Variants in HDAC9 observed in about 807,000 individuals in gnomAD.
The protein encoded by HDAC9 is histone deacetylase 9, also known as MEF-2 interacting transcription repressor (MITR) protein.
A neutral mutation model predicts 139.4 loss-of-function variants in HDAC9; 41 were observed. That is an observed-to-expected ratio of 0.29 (90% CI 0.23 to 0.38). The LOEUF is 0.38. HDAC9 is among the 10% of genes least tolerant of loss of function. The pLI, the probability that HDAC9 is intolerant of heterozygous loss-of-function variation, is 1.00. For synonymous variants in HDAC9, 517 were observed against 476.2 expected (o/e 1.09, Z -1.12); for missense variants, 1,147 against 1,297.0 (o/e 0.88, Z 1.78).
chr7:18,805,111 T>C (rs1395453464), intron 17 of HDAC9, among the ~76,000 whole-genome samples: 1 of 152,204 alleles, frequency 6.6e-6, no homozygotes, highest in Non-Finnish European at 1.5e-5. Flanking sequence ...GGAAGATTCT[T>C]AAAAGGAATT....
chr7:18,201,969 G>A (rs1204156734), intron 2 of HDAC9, among the ~76,000 whole-genome samples: 1 of 152,184 alleles, frequency 6.6e-6, no homozygotes, highest in East Asian at 1.9e-4. Context: ...AATGGAAGAT[G>A]AATAATTTTT....
intron 24 of HDAC9, among the ~76,000 whole-genome samples, chr7:18,970,266 A>T (rs182293293): frequency 2.6e-4 from 39 of 152,308 alleles, no homozygotes; most frequent in Admixed American, 2.5e-3. Flanking sequence ...GATATTCAGC[A>T]GGAATAATAA....
chr7:18,581,962 C>G (rs763975312), intron 2 of HDAC9, among the ~76,000 whole-genome samples: 4 of 152,100 alleles, frequency 2.6e-5, no homozygotes, highest in Non-Finnish European at 5.9e-5. Context: ...CATAAAGTAC[C>G]ATCAATGCAA....
rs111647747 is a variant in HDAC9 at position 18,774,755 on chromosome 7, G to C, written c.2214+7600G>C. ...AAACTTTCTCCATATCAGCAGTAAGGCTATTTCACTTTCTTAGCATTTGTG... is the reference window on the plus strand; with the variant it reads ...AAACTTTCTCCATATCAGCAGTAAGCCTATTTCACTTTCTTAGCATTTGTG... On this transcript the variant is annotated intron_variant, in intron 16 of 25. Coordinates refer to ENST00000686413, the MANE Select transcript of HDAC9 (RefSeq NM_178425.4). Among the ~76,000 whole-genome samples, 803 of 152,114 alleles carry C rather than the reference G, an allele frequency of 5.3e-3. 4 individuals are homozygous for C. Among genetic ancestry groups the C allele is most frequent in the African/African-American group, 0.018 (740 of 41,514 alleles).
rs117157548 is a variant in HDAC9 at position 18,294,921 on chromosome 7, G to T, written c.-42+4406G>T. Among the ~76,000 whole-genome samples the T allele has an allele frequency of 4.5e-4, 69 of 152,172 alleles. No individual in the cohort carries two copies. In the East Asian group the frequency reaches 0.011, roughly 24 times the overall value. ...AATTAATAGGACTTGGTAAACAATTGGATGTCATTGGGGAGCATCAATTAT... is the reference window on the plus strand; with the variant it reads ...AATTAATAGGACTTGGTAAACAATTTGATGTCATTGGGGAGCATCAATTAT... On this transcript the variant is annotated intron_variant, in intron 1 of 3. Transcript: ENST00000413509.
At chr7:18,404,181 C>T (rs1278156371) in intron 1 of HDAC9, among the ~76,000 whole-genome samples, 3 of 151,948 alleles carry the variant, frequency 2.0e-5, no homozygotes, top group African/African-American at 7.3e-5. Context: ...AATATAATGT[C>T]GTGTAATGCA....
chr7:18,110,153 T>A (rs1355933914), intron 1 of HDAC9, among the ~76,000 whole-genome samples: 1 of 152,244 alleles, frequency 6.6e-6, no homozygotes, highest in Non-Finnish European at 1.5e-5. Context: ...CAGCAGCTTC[T>A]TGGACGTGCA....
At chr7:18,461,716 C>T (rs1471961172) in intron 1 of HDAC9, among the ~76,000 whole-genome samples, 2 of 152,116 alleles carry the variant, frequency 1.3e-5, no homozygotes, top group Non-Finnish European at 2.9e-5. Context: ...AGCATCTGAT[C>T]AGAGATCTCC....
chr7:18,435,965 C>CAT (rs1263854655), intron 1 of HDAC9, among the ~76,000 whole-genome samples: 1 of 149,020 alleles, frequency 6.7e-6, no homozygotes, highest in East Asian at 1.9e-4. Context: ...ATAAAGTATA[C>CAT]ATATATATGA....
intron 1 of HDAC9, among the ~76,000 whole-genome samples, chr7:18,357,594 T>G (rs1014281004): frequency 3.3e-5 from 5 of 151,542 alleles, no homozygotes; most frequent in Non-Finnish European, 7.4e-5. Flanking sequence ...TTGAAATCAA[T>G]TCTAAGAAAA....
intron 24 of HDAC9, among the ~76,000 whole-genome samples, chr7:18,962,008 G>T (rs946062481): frequency 3.3e-5 from 5 of 152,156 alleles, no homozygotes; most frequent in African/African-American, 4.8e-5. Context: ...GGAAGTTCTG[G>T]CTAATTGAGA....
At chr7:18,439,284 C>T (rs1791519294) in intron 1 of HDAC9, among the ~76,000 whole-genome samples, 1 of 152,294 alleles carries the variant, frequency 6.6e-6, no homozygotes, top group South Asian at 2.1e-4. Context: ...TCTCTTTTCT[C>T]ATTGTCTCTA....
intron 22 of HDAC9, among the ~76,000 whole-genome samples, chr7:18,908,560 C>G (rs7788731): frequency 0.35 from 53,029 of 151,648 alleles, 9,407 homozygotes; most frequent in Middle Eastern, 0.39. Context: ...CACTCACTTC[C>G]CAACTTCTGG....
chr7:18,394,199 T>C (rs1350576611), intron 1 of HDAC9, among the ~76,000 whole-genome samples: 2 of 152,314 alleles, frequency 1.3e-5, no homozygotes, highest in African/African-American at 2.4e-5. Context: ...TTTACAATTA[T>C]ACCTTGTTTG....
chr7:18,898,483 G>A (rs996530831), intron 22 of HDAC9, among the ~76,000 whole-genome samples: 1 of 151,892 alleles, frequency 6.6e-6, no homozygotes, highest in African/African-American at 2.4e-5. Flanking sequence ...ATGTGAAGGA[G>A]AGTAATTAAG....
chr7:18,231,705 A>G (rs1024190449), intron 2 of HDAC9, among the ~76,000 whole-genome samples: 2 of 152,178 alleles, frequency 1.3e-5, no homozygotes, highest in African/African-American at 2.4e-5. Context: ...GTTGGGAGCT[A>G]GGAAATGCAG....
chr7:18,781,474 A>G (rs1008485490), intron 16 of HDAC9, among the ~76,000 whole-genome samples: 13 of 152,056 alleles, frequency 8.5e-5, no homozygotes, highest in African/African-American at 3.1e-4. Context: ...TAAAGTGCTT[A>G]ATAGGGTCCA....
At chr7:18,355,521 A>G (rs1261377615) in intron 1 of HDAC9, among the ~76,000 whole-genome samples, 2 of 152,188 alleles carry the variant, frequency 1.3e-5, no homozygotes, top group Non-Finnish European at 2.9e-5. Flanking sequence ...TAAACCATGA[A>G]TCCTTTATAA....
At chr7:18,270,752 A>G (rs1434650034) in intron 2 of HDAC9, among the ~76,000 whole-genome samples, 3 of 152,270 alleles carry the variant, frequency 2.0e-5, no homozygotes, top group Middle Eastern at 6.8e-3. Context: ...CTTCTGACTA[A>G]TTATTGAGAA....
Sources: allele counts gnomAD v4.1 joint callset (sites outside exome capture counted in the v4.1 genomes callset), GRCh38; gene constraint gnomAD v4.1.1; transcripts MANE v1.5; gene names NCBI Gene and HGNC (gene_info 2026-07-23, HGNC 2026-07-21).